The following ABCA13 variants were observed in gnomAD, a reference collection of about 807,000 sequenced individuals.
ABCA13 encodes the protein ATP binding cassette subfamily A member 13.
Under a neutral mutation model 478.7 loss-of-function variants are expected in ABCA13, and 476 were observed. The ratio of observed to expected loss-of-function variants is 0.99; its 90% CI spans 0.92 to 1.07. The LOEUF is 1.07. Ranked by LOEUF, ABCA13 falls within the 50% of genes least tolerant of loss-of-function variation. ABCA13 has a pLI of 0.00. For missense variants in ABCA13, 6,060 were observed against 5,910.6 expected, an observed-to-expected ratio of 1.03 and a Z score of -0.83; for synonymous variants, 2,252 against 2,158.9, an observed-to-expected ratio of 1.04 and a Z score of -1.20.
intron 23 of ABCA13, among the ~76,000 whole-genome samples, chr7:48,299,360 A>C (rs1451487368): frequency 3.3e-5 from 5 of 152,190 alleles, no homozygotes; most frequent in African/African-American, 9.6e-5. Context: ...AATCTAAATT[A>C]AAAAGAGATT....
rs1374985105 is a variant in ABCA13 at position 48,341,927 on chromosome 7, A to T, written c.10204+3472A>T. Among the ~76,000 whole-genome samples, 47 of 112,138 alleles carry T rather than the reference A, an allele frequency of 4.2e-4. 1 individual carries two copies. The highest frequency in any genetic ancestry group is 2.1e-3 in the Admixed American group (21 of 10,124). The allele number at this position is 112,138 out of a possible 152,430, so 73.6% of individuals were successfully genotyped here. On this transcript the variant is annotated intron_variant, in intron 29 of 61. Coordinates refer to ENST00000435803, the MANE Select transcript of ABCA13 (RefSeq NM_152701.5). ...GATATATATATACTCATATATATAT[A>T]CTCATATATATATATTCATATATAT...
intron 31 of ABCA13, among the ~76,000 whole-genome samples, chr7:48,355,789 G>A (rs892440885): frequency 3.9e-5 from 6 of 151,924 alleles, no homozygotes; most frequent in African/African-American, 1.2e-4. Context: ...CCAAGTAACT[G>A]GATTGCTGGA....
At chr7:48,285,328 A>C (rs1220996633) in intron 19 of ABCA13, among the ~76,000 whole-genome samples, 1 of 152,210 alleles carries the variant, frequency 6.6e-6, no homozygotes, top group Non-Finnish European at 1.5e-5. Context: ...GGGCCACAGC[A>C]AGTAGGAAGG....
chr7:48,353,318 T>C (rs1809352074), intron 31 of ABCA13, among the ~76,000 whole-genome samples: 2 of 151,660 alleles, frequency 1.3e-5, no homozygotes, highest in Non-Finnish European at 2.9e-5. Flanking sequence ...GGCCTGGCTC[T>C]GGATAATGTA....
At chr7:48,531,089 C>T (rs762048146) in intron 55 of ABCA13, among the ~76,000 whole-genome samples, 4 of 151,978 alleles carry the variant, frequency 2.6e-5, no homozygotes, top group Admixed American at 6.5e-5. Flanking sequence ...GGGGTTTTTC[C>T]GATGTTATCT....
At chr7:48,542,797 T>C (rs1207463017) in intron 55 of ABCA13, among the ~76,000 whole-genome samples, 3 of 151,776 alleles carry the variant, frequency 2.0e-5, no homozygotes. Flanking sequence ...TTGCAGAGAA[T>C]AGAGTAGGCT....
chr7:48,624,835 G>A (rs898147764), intron 59 of ABCA13, among the ~76,000 whole-genome samples: 6 of 152,130 alleles, frequency 3.9e-5, no homozygotes, highest in African/African-American at 9.7e-5. Context: ...GATTACAGGT[G>A]TGACTCAAGG....
intron 35 of ABCA13, among the ~76,000 whole-genome samples, chr7:48,386,944 A>G (rs1815285736): frequency 6.6e-6 from 1 of 152,192 alleles, no homozygotes; most frequent in South Asian, 2.1e-4. Flanking sequence ...GTAAACAGAC[A>G]TGTCTCCCAT....
intron 45 of ABCA13, among the ~76,000 whole-genome samples, chr7:48,474,596 C>T (rs1327722754): frequency 3.3e-5 from 5 of 152,008 alleles, no homozygotes; most frequent in Admixed American, 2.6e-4. Flanking sequence ...TATGGAAATT[C>T]CAAAGAGAAT....
chr7:48,177,298 G>A (rs902345744), intron 1 of ABCA13, among the ~76,000 whole-genome samples: 1 of 152,232 alleles, frequency 6.6e-6, no homozygotes, highest in African/African-American at 2.4e-5. Context: ...TGAGGTGCCT[G>A]ATCTCTCTCA....
At chr7:48,427,300 A>G (rs1391313169) in intron 41 of ABCA13, among the ~76,000 whole-genome samples, 1 of 152,228 alleles carries the variant, frequency 6.6e-6, no homozygotes, top group East Asian at 1.9e-4. Flanking sequence ...GTGACATCAT[A>G]TATCATAGCC....
intron 1 of ABCA13, among the ~76,000 whole-genome samples, chr7:48,183,146 G>C (rs1795918393): frequency 6.6e-6 from 1 of 152,122 alleles, no homozygotes; most frequent in Non-Finnish European, 1.5e-5. Context: ...CAGCCAACGA[G>C]ATCTTCTGGC....
At chr7:48,590,528 G>A (rs139895801) in intron 57 of ABCA13, among the ~76,000 whole-genome samples, 1 of 152,206 alleles carries the variant, frequency 6.6e-6, no homozygotes, top group Non-Finnish European at 1.5e-5. Flanking sequence ...TGGATCAGTG[G>A]CAGTAGTATT....
At chr7:48,298,329 T>G in intron 22 of ABCA13, 37 bp from the exon 23 acceptor site, 1 of 1,573,486 alleles carries the variant, frequency 6.4e-7, no homozygotes, top group Non-Finnish European at 8.6e-7. Flanking sequence ...GATCTAAACC[T>G]TTATTACACA....
At chr7:48,469,003 T>C (rs12533748) in intron 44 of ABCA13, among the ~76,000 whole-genome samples, 28,897 of 152,084 alleles carry the variant, frequency 0.19, 3,193 homozygotes, top group African/African-American at 0.31. Flanking sequence ...TATTTAGCTT[T>C]ATTTTACAAG....
rs1314288707 is a variant in ABCA13 at position 48,272,004 on chromosome 7, A to G, written c.2338A>G (p.Ser780Gly). The G allele has an allele frequency of 6.2e-7, 1 of 1,613,666 alleles. No homozygotes were observed. The highest frequency in any genetic ancestry group is 1.7e-5 in the Admixed American group (1 of 59,964). ...TTCTCTGTGGACAAATCATTTAAAA[A>G]GTTTAAAGAGAGACCCATCTGCCAC... ...ISSLWTNHLKSLKRDPSATDA... is the reference protein window; with the variant it reads ...ISSLWTNHLKGLKRDPSATDA... The change falls in exon 17 of 62, where the codon AGT (serine) becomes GGT (glycine). Residue 780 changes from serine to glycine, a missense_variant. Physicochemically the swap from Ser to Gly is moderately conservative, Grantham distance 56 (BLOSUM62 0). Coordinates refer to ENST00000435803, the MANE Select transcript of ABCA13 (RefSeq NM_152701.5).
At chr7:48,441,085 G>A (rs1399165041) in intron 42 of ABCA13, among the ~76,000 whole-genome samples, 4 of 152,118 alleles carry the variant, frequency 2.6e-5, no homozygotes, top group African/African-American at 9.7e-5. Context: ...ATATGAGATT[G>A]CCTACATTTG....
intron 43 of ABCA13, among the ~76,000 whole-genome samples, chr7:48,463,696 T>A (rs1182537391): frequency 6.6e-6 from 1 of 150,922 alleles, no homozygotes; most frequent in African/African-American, 2.4e-5. Flanking sequence ...GCTGGTTGGA[T>A]CAGGAGAGGT....
intron 42 of ABCA13, among the ~76,000 whole-genome samples, chr7:48,438,775 G>A (rs539267364): frequency 7.9e-5 from 12 of 151,754 alleles, no homozygotes; most frequent in Admixed American, 2.0e-4. Flanking sequence ...AAACCAGGCA[G>A]CACCTTCAAT....
Sources: allele counts gnomAD v4.1 joint callset (sites outside exome capture counted in the v4.1 genomes callset), GRCh38; gene constraint gnomAD v4.1.1; transcripts MANE v1.5; gene names NCBI Gene and HGNC (gene_info 2026-07-23, HGNC 2026-07-21).